LHFPL1: variants seen among roughly 807,000 people sequenced by gnomAD.
The protein encoded by LHFPL1 is LHFPL tetraspan subfamily member 1.
LHFPL1 carries 4 observed loss-of-function variants against 12.1 expected under a neutral mutation model. The observed-to-expected ratio is 0.33, with a 90% CI of 0.16 to 0.76. LHFPL1 has a LOEUF of 0.76. LHFPL1 is among the 30% of genes least tolerant of loss of function. The pLI is 0.61. For missense variants in LHFPL1, 141 were observed against 174.1 expected, an observed-to-expected ratio of 0.81 and a Z score of 1.07; for synonymous variants, 52 against 61.9, an observed-to-expected ratio of 0.84 and a Z score of 0.75.
At chrX:112,654,455 T>C (rs951361459) in intron 3 of LHFPL1, among the ~76,000 whole-genome samples, 1 of 111,153 alleles carries the variant, frequency 9.0e-6, no homozygotes, top group Non-Finnish European at 1.9e-5. Flanking sequence ...GAGATATGAA[T>C]AAGCGAAAAA....
chrX:112,642,939 A>G (rs1334637488), intron 3 of LHFPL1, among the ~76,000 whole-genome samples: 1 of 110,721 alleles, frequency 9.0e-6, no homozygotes, highest in African/African-American at 3.3e-5. Flanking sequence ...CTAATCTGTT[A>G]TGCCTTGTAC....
chrX:112,675,997 C>T (rs5974264), intron 1 of LHFPL1, among the ~76,000 whole-genome samples: 12,325 of 111,732 alleles, frequency 0.11, 597 homozygotes, highest in East Asian at 0.27. Flanking sequence ...AGCTTCTGAA[C>T]ACAATATGAG....
chrX:112,659,584 A>C (rs5974246), intron 3 of LHFPL1, among the ~76,000 whole-genome samples: 1 of 111,476 alleles, frequency 9.0e-6, no homozygotes, highest in Non-Finnish European at 1.9e-5. Flanking sequence ...ATATCAACGA[A>C]ACTGTCATTT....
intron 3 of LHFPL1, among the ~76,000 whole-genome samples, chrX:112,633,472 G>T (rs1368655220): frequency 8.9e-6 from 1 of 112,179 alleles, no homozygotes; most frequent in Non-Finnish European, 1.9e-5. Context: ...TCTTTACTTA[G>T]TCAATATTTA....
intron 2 of LHFPL1, among the ~76,000 whole-genome samples, chrX:112,667,345 C>G (rs1931364847): frequency 8.9e-6 from 1 of 111,969 alleles, no homozygotes; most frequent in African/African-American, 3.3e-5. Flanking sequence ...ACATCAAAGT[C>G]ACTGGGGAGA....
chrX:112,649,922 T>C (rs778595967), intron 3 of LHFPL1, among the ~76,000 whole-genome samples: 28 of 110,228 alleles, frequency 2.5e-4, no homozygotes, highest in Non-Finnish European at 5.1e-4. Flanking sequence ...TTGCTGGACA[T>C]GACTTCTCAC....
intron 3 of LHFPL1, among the ~76,000 whole-genome samples, chrX:112,653,761 C>T (rs915675520): frequency 9.0e-6 from 1 of 111,627 alleles, no homozygotes; most frequent in African/African-American, 3.3e-5. Context: ...TCATCAGGGT[C>T]TGAAATCAAA....
At chrX:112,679,700 C>T (rs1272899206) in intron 1 of LHFPL1, 129 bp downstream of exon 1, 1 of 111,511 alleles carries the variant, frequency 9.0e-6, no homozygotes, top group Admixed American at 9.5e-5. Flanking sequence ...AACGGCTTCT[C>T]TGAGCTTTGA....
intron 3 of LHFPL1, chrX:112,648,629 A>AG (rs1193131140): frequency 4.5e-5 from 5 of 111,964 alleles, no homozygotes; most frequent in African/African-American, 1.6e-4. Flanking sequence ...ATTAAAAAAA[A>AG]CAAACTCACA....
intron 3 of LHFPL1, among the ~76,000 whole-genome samples, chrX:112,640,828 T>C (rs756656119): frequency 9.0e-6 from 1 of 111,652 alleles, no homozygotes; most frequent in South Asian, 3.8e-4. Flanking sequence ...TGTGTGTGTG[T>C]GTGTGTGTGT....
At chrX:112,653,121 G>A (rs56722416) in intron 3 of LHFPL1, among the ~76,000 whole-genome samples, 1,645 of 112,170 alleles carry the variant, frequency 0.015, 25 homozygotes, top group African/African-American at 0.051. Context: ...TAATAGGTAC[G>A]TGGATGTTCA....
chrX:112,672,761 T>C (rs2223659), intron 1 of LHFPL1, among the ~76,000 whole-genome samples: 49,408 of 109,913 alleles, frequency 0.45, 11,035 homozygotes, highest in African/African-American at 0.88. Flanking sequence ...TCACAACCAT[T>C]GTCAAACAGT....
intron 3 of LHFPL1, among the ~76,000 whole-genome samples, chrX:112,637,029 T>TGG (rs1930361529): frequency 9.0e-6 from 1 of 111,706 alleles, no homozygotes; most frequent in Non-Finnish European, 1.9e-5. Flanking sequence ...AAATGAGCTT[T>TGG]ATGCAAAGCT....
intron 3 of LHFPL1, 44 bp downstream of exon 3, chrX:112,660,583 C>T: frequency 9.3e-7 from 1 of 1,070,890 alleles, no homozygotes; most frequent in Non-Finnish European, 1.3e-6. Flanking sequence ...TTGGAAAACA[C>T]ATTTCCCATG....
At chrX:112,677,583 A>G (rs1931684934) in intron 1 of LHFPL1, among the ~76,000 whole-genome samples, 1 of 109,547 alleles carries the variant, frequency 9.1e-6, no homozygotes, top group Admixed American at 9.8e-5. Flanking sequence ...AACGTGTTGG[A>G]CCGATGTGAC....
intron 3 of LHFPL1, among the ~76,000 whole-genome samples, chrX:112,656,365 A>G (rs1459814113): frequency 9.8e-6 from 1 of 101,620 alleles, no homozygotes; most frequent in South Asian, 4.3e-4. Flanking sequence ...AACTTCTTCA[A>G]CCTAATAAAG....
intron 2 of LHFPL1, among the ~76,000 whole-genome samples, chrX:112,665,442 C>T (rs371955816): frequency 1.8e-5 from 2 of 111,777 alleles, no homozygotes; most frequent in South Asian, 3.7e-4. Context: ...CCACCTGCCT[C>T]GGCCTCCCAA....
chrX:112,671,194 T>A lies in LHFPL1; in HGVS notation c.197A>T (p.Glu66Val), dbSNP rs1442788625. Reference protein sequence around the residue: ...GEGHSLIMVEECGRYASFNAI... With the variant: ...GEGHSLIMVEVCGRYASFNAI... ...ATTGAAGCTGGCATAGCGCCCACAT[T>A]CTTCCACCATGATCAGACTGTGTCC... Residue 66 changes from glutamate (E) to valine (V), a missense_variant, in exon 2 of 4, where the codon GAA (glutamate) becomes GTA (valine). Transcript: ENST00000371968. 2 of 1,211,882 alleles carry A rather than the reference T, an allele frequency of 1.7e-6. No individual in the cohort carries two copies. The highest frequency in any genetic ancestry group is 3.0e-5 in the East Asian group (1 of 33,846).
At chrX:112,655,841 T>C (rs769134171) in intron 3 of LHFPL1, among the ~76,000 whole-genome samples, 9 of 111,846 alleles carry the variant, frequency 8.0e-5, no homozygotes, top group African/African-American at 2.9e-4. Flanking sequence ...AGTGCTGGGA[T>C]TACAAGCATG....
Sources: gnomAD v4.1 joint callset for allele counts (sites outside exome capture counted in the v4.1 genomes callset) on GRCh38, gnomAD v4.1.1 for gene constraint, MANE v1.5 for transcripts, NCBI Gene and HGNC (gene_info 2026-07-23, HGNC 2026-07-21) for gene names.